DENND1B: variants seen among roughly 807,000 people sequenced by gnomAD.
DENND1B encodes DENN domain-containing protein 1B.
A neutral mutation model predicts 90.1 loss-of-function variants in DENND1B; 59 were observed. That is an observed-to-expected ratio of 0.65 (90% CI 0.53 to 0.81). The LOEUF (loss-of-function observed/expected upper bound fraction) is 0.81, where lower values mean the gene tolerates loss of function less well. Among genes scored for constraint, DENND1B ranks in the 40% least tolerant of loss-of-function variants. DENND1B has a pLI of 0.00. For synonymous variants in DENND1B, 337 were observed against 324.6 expected (o/e 1.04, Z -0.41); for missense variants, 862 against 912.6 (o/e 0.94, Z 0.71).
intron 2 of DENND1B, among the ~76,000 whole-genome samples, chr1:197,742,704 T>C (rs183602512): frequency 3.3e-5 from 5 of 152,290 alleles, no homozygotes; most frequent in Admixed American, 2.0e-4. Flanking sequence ...CACAAAAAAC[T>C]ACAGTCTTTC....
intron 3 of DENND1B, among the ~76,000 whole-genome samples, chr1:197,702,790 A>C (rs991314572): frequency 2.6e-5 from 4 of 152,060 alleles, no homozygotes; most frequent in African/African-American, 9.7e-5. Flanking sequence ...CTACCCCTCA[A>C]GTGTTGTTGT....
At chr1:197,690,487 G>C (rs1413512189) in intron 3 of DENND1B, 3 of 168,694 alleles carry the variant, frequency 1.8e-5, no homozygotes, top group Non-Finnish European at 3.8e-5. Flanking sequence ...AGTGTTGAGA[G>C]CTTCTCTGAC....
At chr1:197,720,343 C>T (rs1661045149) in intron 2 of DENND1B, among the ~76,000 whole-genome samples, 1 of 151,964 alleles carries the variant, frequency 6.6e-6, no homozygotes, top group Non-Finnish European at 1.5e-5. Context: ...CTCAAGCAAT[C>T]CCTTCCATCT....
At chr1:197,719,648 T>C (rs1053035883) in intron 2 of DENND1B, among the ~76,000 whole-genome samples, 3 of 152,152 alleles carry the variant, frequency 2.0e-5, no homozygotes, top group African/African-American at 7.2e-5. Context: ...ATATCCAACA[T>C]GGCATTTAAT....
At chr1:197,702,540 T>C (rs543688719) in intron 3 of DENND1B, among the ~76,000 whole-genome samples, 77 of 152,342 alleles carry the variant, frequency 5.1e-4, no homozygotes, top group African/African-American at 1.6e-3. Context: ...GTAACCAAAA[T>C]GTGGAATTGA....
At chr1:197,603,605 T>C (rs1441070781) in intron 13 of DENND1B, among the ~76,000 whole-genome samples, 1 of 151,262 alleles carries the variant, frequency 6.6e-6, no homozygotes, top group Non-Finnish European at 1.5e-5. Flanking sequence ...TCTAATGTGC[T>C]TTCATCTATA....
At chr1:197,750,861 A>G (rs1653411684) in intron 2 of DENND1B, among the ~76,000 whole-genome samples, 1 of 152,180 alleles carries the variant, frequency 6.6e-6, no homozygotes, top group African/African-American at 2.4e-5. Flanking sequence ...GAAATTTCAT[A>G]TGTTAAAATG....
At chr1:197,523,846 G>A (rs1668949095) in intron 20 of DENND1B, among the ~76,000 whole-genome samples, 1 of 151,908 alleles carries the variant, frequency 6.6e-6, no homozygotes, top group Non-Finnish European at 1.5e-5. Flanking sequence ...TTCTATACAT[G>A]GGGTCCATTG....
chr1:197,771,301 C>T (rs1656579344), intron 2 of DENND1B, among the ~76,000 whole-genome samples: 1 of 152,160 alleles, frequency 6.6e-6, no homozygotes, highest in African/African-American at 2.4e-5. Context: ...TCATAAACCA[C>T]TATAGAATAG....
At chr1:197,579,401 T>C (rs1317370554) in intron 15 of DENND1B, among the ~76,000 whole-genome samples, 1 of 152,184 alleles carries the variant, frequency 6.6e-6, no homozygotes, top group African/African-American at 2.4e-5. Context: ...TGTCAATATA[T>C]TGCTCCTTTG....
Position 197,568,432 on chromosome 1 carries a change from G to C in DENND1B, c.1149+14720C>G, listed in dbSNP as rs1031192439. 2.6e-5 allele frequency among the ~76,000 whole-genome samples: 4 copies of C among 152,082 alleles called. No homozygotes were observed. In the East Asian group the frequency reaches 7.7e-4, roughly 29 times the overall value. On this transcript the variant is annotated intron_variant, in intron 15 of 22. Coordinates refer to ENST00000620048, the MANE Select transcript of DENND1B (RefSeq NM_001195215.2). ...CTAAACTATCCATACTACCCAAAGG[G>C]ATCTACAGTTCAACGTAATTCCTAC...
chr1:197,715,797 TA>T (rs1660590494), intron 2 of DENND1B, among the ~76,000 whole-genome samples: 1 of 151,908 alleles, frequency 6.6e-6, no homozygotes, highest in Non-Finnish European at 1.5e-5. Context: ...CTTAGCACAC[TA>T]AAATGCTAAG....
intron 15 of DENND1B, among the ~76,000 whole-genome samples, chr1:197,578,010 T>C (rs1673842568): frequency 6.6e-6 from 1 of 152,180 alleles, no homozygotes; most frequent in African/African-American, 2.4e-5. Flanking sequence ...TAATTAAATA[T>C]TAACAGTTTA....
chr1:197,719,579 G>A (rs1343008358), intron 2 of DENND1B, among the ~76,000 whole-genome samples: 2 of 152,178 alleles, frequency 1.3e-5, no homozygotes, highest in Non-Finnish European at 2.9e-5. Flanking sequence ...AAAAGCTGTT[G>A]GAGCTTTAAG....
At chr1:197,618,741 G>A (rs1677883791) in intron 10 of DENND1B, among the ~76,000 whole-genome samples, 3 of 150,626 alleles carry the variant, frequency 2.0e-5, no homozygotes, top group Admixed American at 6.6e-5. Flanking sequence ...CAAGGTTACC[G>A]ATTAAATTAT....
At chr1:197,514,539 G>T (rs1668266044) in intron 20 of DENND1B, among the ~76,000 whole-genome samples, 1 of 151,520 alleles carries the variant, frequency 6.6e-6, no homozygotes, top group African/African-American at 2.4e-5. Flanking sequence ...CAGATTAAAT[G>T]ATATGCTTTT....
intron 15 of DENND1B, among the ~76,000 whole-genome samples, chr1:197,575,919 CAGG>C (rs1673637561): frequency 6.6e-6 from 1 of 151,994 alleles, no homozygotes; most frequent in African/African-American, 2.4e-5. Flanking sequence ...CATCACACAC[CAGG>C]GCCTGTTGGC....
chr1:197,540,069 T>G lies in DENND1B; in HGVS notation c.1410A>C (p.Glu470Asp), dbSNP rs1670220250. The stretch of plus-strand genomic sequence containing the variant: ...AACAGGTCCCATAATCTTCTTCATT[T>G]TCCTACACATGAAAAAATATACAGG... ...KEVKSKLKHK[E>D]NEEDYGTCSS... The change falls in exon 20 of 23, where the codon GAA becomes GAC. Residue 470 changes from glutamate to aspartate, a missense_variant and splice_region_variant. Physicochemically the swap from Glu to Asp is conservative, Grantham distance 45. Coordinates refer to ENST00000620048, the MANE Select transcript of DENND1B (RefSeq NM_001195215.2). The G allele has an allele frequency of 6.3e-7, 1 of 1,598,772 alleles. No individual in the cohort carries two copies. Among genetic ancestry groups the G allele is most frequent in the Admixed American group, 1.7e-5 (1 of 58,178 alleles).
intron 14 of DENND1B, among the ~76,000 whole-genome samples, chr1:197,586,785 G>A (rs1279956195): frequency 6.6e-6 from 1 of 152,170 alleles, no homozygotes; most frequent in African/African-American, 2.4e-5. Context: ...GCAAGAACAT[G>A]GTCTCAACTG....
Sources: gnomAD v4.1 joint callset for allele counts (sites outside exome capture counted in the v4.1 genomes callset) on GRCh38, gnomAD v4.1.1 for gene constraint, MANE v1.5 for transcripts, NCBI Gene and HGNC (gene_info 2026-07-23, HGNC 2026-07-21) for gene names.